Variants in CANX observed in about 807,000 individuals in gnomAD.
CANX encodes the protein calnexin.
Under a neutral mutation model 75.7 loss-of-function variants are expected in CANX, and 14 were observed. That is an observed-to-expected ratio of 0.19 (90% confidence interval 0.12 to 0.29). The LOEUF is 0.29. Ranked by LOEUF, CANX falls within the 10% of genes least tolerant of loss-of-function variation. The pLI is 1.00. For missense variants in CANX, 567 were observed against 713.2 expected (o/e 0.79, Z 2.34); for synonymous variants, 227 against 236.9 (o/e 0.96, Z 0.38).
upstream of CANX, among the ~76,000 whole-genome samples, chr5:179,696,750 CACTA>C (rs1369551104): frequency 2.6e-5 from 4 of 152,236 alleles, no homozygotes; most frequent in African/African-American, 9.6e-5. Flanking sequence ...TTTCACATGA[CACTA>C]AATCTTGACT....
chr5:179,726,247 A>G (rs994628223), intron 13 of CANX, among the ~76,000 whole-genome samples: 1 of 151,462 alleles, frequency 6.6e-6, no homozygotes, highest in Non-Finnish European at 1.5e-5. Context: ...AGATCATGCC[A>G]TTGCACTCCA....
chr5:179,703,378 C>T (rs1438550393), intron 1 of CANX, among the ~76,000 whole-genome samples: 3 of 152,072 alleles, frequency 2.0e-5, no homozygotes, highest in Non-Finnish European at 2.9e-5. Flanking sequence ...CCACCACACT[C>T]GGCTAATTTT....
intron 9 of CANX, among the ~76,000 whole-genome samples, chr5:179,719,994 G>A (rs991474821): frequency 6.6e-6 from 1 of 151,526 alleles, no homozygotes; most frequent in Non-Finnish European, 1.5e-5. Flanking sequence ...GCAAATTTTT[G>A]TATTTTTTGT....
intron 1 of CANX, among the ~76,000 whole-genome samples, chr5:179,682,488 A>G (rs988690010): frequency 3.5e-4 from 54 of 152,204 alleles, no homozygotes; most frequent in African/African-American, 1.3e-3. Flanking sequence ...AGGCAGGCAA[A>G]TCACCTGAGG....
intron 1 of CANX, among the ~76,000 whole-genome samples, chr5:179,688,792 C>T (rs1776241402): frequency 6.6e-6 from 1 of 151,736 alleles, no homozygotes; most frequent in Admixed American, 6.6e-5. Flanking sequence ...ACTAGGCTGG[C>T]CAACATGGTG....
At chr5:179,720,213 T>G (rs145396363) in intron 9 of CANX, among the ~76,000 whole-genome samples, 191 bp from the exon 10 acceptor site, 1 of 151,860 alleles carries the variant, frequency 6.6e-6, no homozygotes, top group East Asian at 1.9e-4. Flanking sequence ...TTTGACAATT[T>G]TAATTATATT....
chr5:179,710,105 T>A, intron 7 of CANX, 40 bp downstream of exon 7: 1 of 1,157,746 alleles, frequency 8.6e-7, no homozygotes, highest in Non-Finnish European at 1.3e-6. Context: ...TGGTATTACA[T>A]ATATATCATC....
chr5:179,703,713 T>C (rs893734788), intron 1 of CANX, among the ~76,000 whole-genome samples: 1 of 151,842 alleles, frequency 6.6e-6, no homozygotes, highest in South Asian at 2.1e-4. Context: ...AAGGTCTTAA[T>C]AGAGGAAGTT....
chr5:179,717,809 G>A (rs778034334), intron 8 of CANX, among the ~76,000 whole-genome samples: 9 of 151,696 alleles, frequency 5.9e-5, no homozygotes, highest in East Asian at 3.9e-4. Flanking sequence ...TCTGTCTCCC[G>A]AGTTCAAGTG....
chr5:179,709,465 C>T (rs1777378779), intron 6 of CANX, among the ~76,000 whole-genome samples: 1 of 152,020 alleles, frequency 6.6e-6, no homozygotes, highest in Admixed American at 6.6e-5. Flanking sequence ...AAGGCTTCCT[C>T]CCCTGCTGTT....
In CANX at chr5:179,723,728, A is replaced by G. The variant is rs759679393; in HGVS notation, c.1467A>G (p.Leu489=). The G allele has an allele frequency of 7.7e-5, 124 of 1,613,378 alleles. No individual in the cohort carries two copies. Among genetic ancestry groups the G allele is most frequent in the Non-Finnish European group, 1.0e-4 (120 of 1,179,720 alleles). Residue 489 remains leucine (L), a synonymous_variant, in exon 12 of 15, where the codon CTA becomes CTG. Transcript: ENST00000247461. The stretch of plus-strand genomic sequence containing the variant: ...CGTGGCTGTGGGTAGTCTATATTCT[A>G]ACTGTAGCCCTTCCTGTGTTCCTGG... The part of the protein sequence containing the change: ...ERPWLWVVYI[L]TVALPVFLVI...
At chr5:179,718,220 A>C (rs1030461294) in intron 8 of CANX, among the ~76,000 whole-genome samples, 7 of 152,080 alleles carry the variant, frequency 4.6e-5, no homozygotes, top group Admixed American at 1.3e-4. Context: ...TTTGTCACCC[A>C]GGCTGGAGTG....
At position 179,724,734 on chromosome 5, in the gene CANX, A is replaced by G. The variant is rs1289925698; in HGVS notation, c.1596A>G (p.Glu532=). The G allele has an allele frequency of 3.1e-6, 5 of 1,612,026 alleles. No homozygotes were observed. The African/African-American group carries it at 4.0e-5, about 13-fold the overall frequency. Residue 532 remains glutamate, a synonymous_variant, in exon 13 of 15, where the codon GAA becomes GAG. Transcript: ENST00000247461. ...TGAAGGAAGAGGAAGAAGAGAAGGA[A>G]GAGGAAAAGGACAAGGGAGATGAGG... ...PDVKEEEEEK[E]EEKDKGDEEE...
chr5:179,694,849 CCTT>C (rs1776364570), upstream of CANX: 1 of 414,312 alleles, frequency 2.4e-6, no homozygotes, highest in South Asian at 2.6e-5. Context: ...CCCACTTTCT[CCTT>C]CAAGCAAAAG....
rs1289422976 is a variant in CANX at position 179,729,114 on chromosome 5, T to G, written c.*470T>G. On this transcript the variant is annotated 3_prime_UTR_variant, in exon 15 of 15. Transcript: ENST00000247461. ...CATTCACACCTCTGTCCCTCAAAAT[T>G]GATAATTACGTTTAAAGTGCAGTCA... 1.0e-5 allele frequency: 2 copies of G among 196,528 alleles called. No individual in the cohort carries two copies. Among genetic ancestry groups the G allele is most frequent in the Non-Finnish European group, 2.1e-5 (2 of 94,340 alleles). 12.2% of individuals were successfully genotyped at this position (196,528 alleles called of 1,614,324 possible).
Position 179,716,253 on chromosome 5 carries a change from A to C in CANX, c.870A>C (p.Arg290Ser). ...EDRKPEDWDE[R>S]PKIPDPEAVK... ...GGAAGCCCGAGGATTGGGATGAAAG[A>C]CCAAAAATCCCAGATCCAGAAGCTG... Residue 290 changes from arginine (R) to serine (S), a missense_variant, in exon 8 of 15, where the codon AGA becomes AGC. By Grantham distance (110) the Arg-to-Ser change is moderately radical. Transcript: ENST00000247461. 6.2e-7 allele frequency: 1 copy of C among 1,614,170 alleles called. No individual in the cohort carries two copies. The highest frequency in any genetic ancestry group is 8.5e-7 in the Non-Finnish European group (1 of 1,180,020).
At chr5:179,717,181 C>G (rs1310863390) in intron 8 of CANX, among the ~76,000 whole-genome samples, 1 of 152,158 alleles carries the variant, frequency 6.6e-6, no homozygotes, top group Admixed American at 6.6e-5. Context: ...CAATTACATT[C>G]TAGATTATCT....
rs866242854 is a variant in CANX at position 179,729,097 on chromosome 5, C to T, written c.*453C>T. The stretch of plus-strand genomic sequence containing the variant: ...AGTTTGGTATTGTAAAACATTCACA[C>T]CTCTGTCCCTCAAAATTGATAATTA... On this transcript the variant is annotated 3_prime_UTR_variant, in exon 15 of 15. Coordinates refer to ENST00000247461, the MANE Select transcript of CANX (RefSeq NM_001746.4). 1.1e-4 allele frequency: 22 copies of T among 206,932 alleles called. No individual in the cohort carries two copies. Among genetic ancestry groups the T allele is most frequent in the African/African-American group, 5.0e-4 (21 of 41,782 alleles). The allele number at this position is 206,932 out of a possible 1,614,324, so 12.8% of individuals were successfully genotyped here. A position where few individuals can be genotyped will look rare whatever the true frequency, so the allele number is the denominator to read the frequency against.
chr5:179,680,122 T>G (rs1045837152), intron 1 of CANX, among the ~76,000 whole-genome samples: 8 of 152,082 alleles, frequency 5.3e-5, no homozygotes, highest in Admixed American at 2.6e-4. Context: ...GGCAGGACTT[T>G]CATATTTCAG....
Sources: allele counts gnomAD v4.1 joint callset (sites outside exome capture counted in the v4.1 genomes callset), GRCh38; gene constraint gnomAD v4.1.1; transcripts MANE v1.5; gene names NCBI Gene and HGNC (gene_info 2026-07-23, HGNC 2026-07-21).